Variants in OTUD7B observed in about 807,000 individuals in gnomAD.
OTUD7B encodes OTU domain-containing protein 7B.
In OTUD7B, 34 loss-of-function variants were observed where a neutral mutation model predicts 82.2. The observed-to-expected ratio is 0.41, with a 90% CI of 0.31 to 0.55. The LOEUF (loss-of-function observed/expected upper bound fraction) is 0.55, where lower values mean the gene tolerates loss of function less well. Ranked by LOEUF, OTUD7B falls within the 20% of genes least tolerant of loss-of-function variation. The pLI is 0.20. For missense variants in OTUD7B, 944 were observed against 1,062.1 expected, an observed-to-expected ratio of 0.89 and a Z score of 1.55; for synonymous variants, 398 against 402.7, an observed-to-expected ratio of 0.99 and a Z score of 0.14.
chr1:149,987,445 A>C (rs587696277), intron 1 of OTUD7B, among the ~76,000 whole-genome samples: 1 of 152,338 alleles, frequency 6.6e-6, no homozygotes, highest in South Asian at 2.1e-4. Context: ...TAATATAACC[A>C]TTTTGTGCCT....
intron 1 of OTUD7B, among the ~76,000 whole-genome samples, chr1:149,981,646 T>C (rs782043084): frequency 1.3e-4 from 20 of 152,234 alleles, no homozygotes; most frequent in Non-Finnish European, 7.3e-5. Flanking sequence ...TCCTGTCTTA[T>C]ATCAGTACTT....
At chr1:149,972,503 C>G (rs1553777830) in intron 2 of OTUD7B, among the ~76,000 whole-genome samples, 1 of 152,202 alleles carries the variant, frequency 6.6e-6, no homozygotes, top group Non-Finnish European at 1.5e-5. Context: ...GCTTAAACAT[C>G]ACATTGTTAG....
chr1:149,988,068 A>AT (rs1262296986), intron 1 of OTUD7B, among the ~76,000 whole-genome samples: 1 of 152,080 alleles, frequency 6.6e-6, no homozygotes, highest in African/African-American at 2.4e-5. Flanking sequence ...TATATTATCT[A>AT]TTTTTTTGAT....
At chr1:150,036,859 A>G in the OTUD7B span, among the ~76,000 whole-genome samples, 1 of 152,206 alleles carries the variant, frequency 6.6e-6, no homozygotes, top group African/African-American at 2.4e-5. Context: ...ACACACACAC[A>G]AAATTGAATA....
the OTUD7B span, among the ~76,000 whole-genome samples, chr1:150,045,651 G>GT: frequency 6.6e-6 from 1 of 152,120 alleles, no homozygotes; most frequent in African/African-American, 2.4e-5. Flanking sequence ...TTGCTTTCTT[G>GT]TAACTTATGG....
chr1:150,046,794 G>A, the OTUD7B span, among the ~76,000 whole-genome samples: 19 of 151,732 alleles, frequency 1.3e-4, no homozygotes, highest in East Asian at 5.9e-4. Flanking sequence ...TCCTAGGGTG[G>A]GCATGGTGGC....
chr1:150,029,848 C>T, the OTUD7B span, among the ~76,000 whole-genome samples: 1 of 152,138 alleles, frequency 6.6e-6, no homozygotes, highest in Non-Finnish European at 1.5e-5. Flanking sequence ...CCTATCCCTC[C>T]ATCTGTTTAC....
At chr1:150,014,681 G>T (rs976115277), upstream of OTUD7B, among the ~76,000 whole-genome samples, 3 of 152,014 alleles carry the variant, frequency 2.0e-5, no homozygotes, top group Non-Finnish European at 4.4e-5. Flanking sequence ...AATGAATCTT[G>T]GACTCATTTG....
In OTUD7B at chr1:149,959,692, G is replaced by A. The variant is rs1553775257; in HGVS notation, c.837C>T (p.Asn279=). 1.2e-6 allele frequency: 2 copies of A among 1,609,122 alleles called. No homozygotes were observed. The highest frequency in any genetic ancestry group is 2.2e-5 in the South Asian group (2 of 90,980). The change falls in exon 7 of 12, where the codon AAC becomes AAT. Residue 279 remains asparagine (N), a synonymous_variant. Transcript: ENST00000581312. ...PRMHLGTNGA[N]CGGVESSEEP... Reference sequence around the variant, plus strand: ...TACTTAGCCATACTTACCCACCACAGTTGGCTCCATTGGTACCTAGATGCA... The same window carrying A: ...TACTTAGCCATACTTACCCACCACAATTGGCTCCATTGGTACCTAGATGCA...
intron 7 of OTUD7B, among the ~76,000 whole-genome samples, chr1:149,950,999 T>TTTTTTTTG (rs1648199749): frequency 2.3e-3 from 1 of 440 alleles, no homozygotes; most frequent in Non-Finnish European, 6.8e-3. Flanking sequence ...TTTTTTTTTT[T>TTTTTTTTG]GTAGATGGAG....
chr1:149,971,351 G>T, intron 2 of OTUD7B, 100 bp from the exon 3 acceptor site: 2 of 658,116 alleles, frequency 3.0e-6, no homozygotes, highest in South Asian at 2.8e-5. Flanking sequence ...AAATACGCAT[G>T]CACATAATCA....
chr1:150,032,648 G>GA, the OTUD7B span, among the ~76,000 whole-genome samples: 150,068 of 150,894 alleles, frequency 0.99, 74,622 homozygotes, highest in Middle Eastern at 1. Context: ...AAGAAAAGAA[G>GA]AAAAGAAGAG....
intron 7 of OTUD7B, among the ~76,000 whole-genome samples, chr1:149,958,320 A>G (rs1648865024): frequency 3.2e-5 from 2 of 61,928 alleles, no homozygotes; most frequent in South Asian, 1.2e-3. Context: ...ATAAAGGACT[A>G]CCTTTTTTTT....
upstream of OTUD7B, among the ~76,000 whole-genome samples, chr1:150,012,530 T>A (rs1227819698): frequency 2.6e-5 from 4 of 152,166 alleles, no homozygotes; most frequent in Non-Finnish European, 5.9e-5. Flanking sequence ...AACCAGGTTA[T>A]ACCCATATAA....
intron 7 of OTUD7B, among the ~76,000 whole-genome samples, chr1:149,955,064 G>C (rs1228448345): frequency 3.3e-5 from 5 of 152,100 alleles, no homozygotes; most frequent in African/African-American, 1.2e-4. Context: ...TCTGATCTTA[G>C]TTATTTCTTG....
chr1:150,008,010 C>G (rs886518744), intron 1 of OTUD7B, among the ~76,000 whole-genome samples: 2 of 152,204 alleles, frequency 1.3e-5, no homozygotes, highest in Non-Finnish European at 2.9e-5. Context: ...GCTTAAGATA[C>G]TCAGGAGCTC....
At chr1:149,954,572 AG>A (rs781184896) in intron 7 of OTUD7B, among the ~76,000 whole-genome samples, 83 of 152,200 alleles carry the variant, frequency 5.5e-4, no homozygotes, top group Non-Finnish European at 3.2e-4. Flanking sequence ...AAAATGAGTT[AG>A]GGAGGATTCC....
At chr1:150,055,383 A>AT in the OTUD7B span, among the ~76,000 whole-genome samples, 4 of 790 alleles carry the variant, frequency 5.1e-3, no homozygotes, top group Non-Finnish European at 0.014. Context: ...ATAACTGATA[A>AT]CAAAAAAAAA....
the OTUD7B span, among the ~76,000 whole-genome samples, chr1:150,049,184 A>G: frequency 6.6e-6 from 1 of 152,138 alleles, no homozygotes; most frequent in Non-Finnish European, 1.5e-5. Flanking sequence ...GCTTTTCCAG[A>G]CAGTAGTAGT....
Sources: allele counts gnomAD v4.1 joint callset (sites outside exome capture counted in the v4.1 genomes callset), GRCh38; gene constraint gnomAD v4.1.1; transcripts MANE v1.5; gene names NCBI Gene and HGNC (gene_info 2026-07-23, HGNC 2026-07-21).